EPB41L5: variants seen among roughly 807,000 people sequenced by gnomAD.
EPB41L5 encodes band 4.1-like protein 5.
In EPB41L5, 55 loss-of-function variants were observed where a neutral mutation model predicts 106.6. That is an observed-to-expected ratio of 0.52 (90% CI 0.42 to 0.65). The LOEUF (loss-of-function observed/expected upper bound fraction) is 0.65. Among genes scored for constraint, EPB41L5 ranks in the 30% least tolerant of loss-of-function variants. The pLI, the probability that EPB41L5 is intolerant of heterozygous loss-of-function variation, is 0.00. For synonymous variants in EPB41L5, 297 were observed against 306.7 expected, an observed-to-expected ratio of 0.97 and a Z score of 0.33; for missense variants, 871 against 882.1, an observed-to-expected ratio of 0.99 and a Z score of 0.16.
At chr2:120,076,612 T>C (rs539238365) in intron 7 of EPB41L5, among the ~76,000 whole-genome samples, 10 of 151,938 alleles carry the variant, frequency 6.6e-5, no homozygotes, top group Admixed American at 2.6e-4. Flanking sequence ...AGTAATATTC[T>C]TAATAGATGC....
At chr2:120,088,339 A>G (rs1380409927) in intron 11 of EPB41L5, among the ~76,000 whole-genome samples, 1 of 152,192 alleles carries the variant, frequency 6.6e-6, no homozygotes, top group African/African-American at 2.4e-5. Context: ...AAGAAGAGAA[A>G]ACCAAATACT....
intron 16 of EPB41L5, among the ~76,000 whole-genome samples, chr2:120,102,171 T>A (rs1055596569): frequency 2.6e-5 from 4 of 152,208 alleles, no homozygotes; most frequent in African/African-American, 9.6e-5. Context: ...TTAGTTGGGA[T>A]ACTATATTAC....
intron 3 of EPB41L5, among the ~76,000 whole-genome samples, chr2:120,047,000 G>A (rs1679825955): frequency 6.6e-6 from 1 of 151,946 alleles, no homozygotes; most frequent in Admixed American, 6.6e-5. Flanking sequence ...TGAGGGCTCT[G>A]TTCTGTTCCA....
chr2:120,119,486 C>T (rs1024789359), intron 16 of EPB41L5, among the ~76,000 whole-genome samples: 4 of 151,808 alleles, frequency 2.6e-5, no homozygotes, highest in African/African-American at 4.8e-5. Context: ...TTATAGTTTT[C>T]GGTTTTACAT....
chr2:120,053,994 C>T (rs1680459686), intron 3 of EPB41L5, among the ~76,000 whole-genome samples: 1 of 152,108 alleles, frequency 6.6e-6, no homozygotes, highest in South Asian at 2.1e-4. Flanking sequence ...CAAACTTTTC[C>T]AGTGATGGCA....
intron 24 of EPB41L5, among the ~76,000 whole-genome samples, chr2:120,168,766 A>C (rs1434363375): frequency 3.3e-5 from 5 of 152,236 alleles, no homozygotes. Flanking sequence ...TCAAAGTAGC[A>C]TATTACTCAG....
chr2:120,143,613 T>G (rs919530621), intron 19 of EPB41L5, among the ~76,000 whole-genome samples: 1 of 152,110 alleles, frequency 6.6e-6, no homozygotes, highest in Non-Finnish European at 1.5e-5. Flanking sequence ...AAACTTACAT[T>G]CTGTCCTAAA....
At chr2:120,114,229 T>C (rs1433467378) in intron 16 of EPB41L5, among the ~76,000 whole-genome samples, 1 of 152,200 alleles carries the variant, frequency 6.6e-6, no homozygotes, top group East Asian at 1.9e-4. Flanking sequence ...TTATTGACTT[T>C]TTGCTTATCT....
At chr2:120,146,628 G>T (rs1174600198) in intron 20 of EPB41L5, among the ~76,000 whole-genome samples, 2 of 152,160 alleles carry the variant, frequency 1.3e-5, no homozygotes, top group Admixed American at 6.5e-5. Flanking sequence ...CAATGGCCTT[G>T]TTCTTATCAA....
intron 11 of EPB41L5, among the ~76,000 whole-genome samples, chr2:120,088,842 T>C (rs534910672): frequency 6.0e-4 from 92 of 152,326 alleles, no homozygotes; most frequent in African/African-American, 1.9e-3. Flanking sequence ...TTAGTACTTA[T>C]CTGTGTAGTT....
intron 3 of EPB41L5, among the ~76,000 whole-genome samples, chr2:120,043,574 T>A (rs1271646198): frequency 2.0e-5 from 3 of 147,456 alleles, no homozygotes; most frequent in Admixed American, 6.7e-5. Flanking sequence ...GATTTTTATT[T>A]AAAAAAAAAA....
chr2:120,082,941 G>A (rs1177907765), intron 10 of EPB41L5, among the ~76,000 whole-genome samples: 3 of 151,960 alleles, frequency 2.0e-5, no homozygotes, highest in Admixed American at 6.6e-5. Context: ...CTGTGGGATC[G>A]GTGGTAATAT....
At chr2:120,058,308 C>T (rs1424581238) in intron 3 of EPB41L5, among the ~76,000 whole-genome samples, 1 of 152,084 alleles carries the variant, frequency 6.6e-6, no homozygotes, top group East Asian at 1.9e-4. Flanking sequence ...ACCTCAGCCT[C>T]CCAAGTAGGT....
intron 3 of EPB41L5, among the ~76,000 whole-genome samples, chr2:120,065,123 G>A (rs913552387): frequency 6.4e-4 from 97 of 152,084 alleles, no homozygotes; most frequent in Non-Finnish European, 1.2e-4. Flanking sequence ...GTTTATTTAT[G>A]TACTTACATT....
At chr2:120,141,574 T>C (rs1686176596) in intron 18 of EPB41L5, among the ~76,000 whole-genome samples, 1 of 152,124 alleles carries the variant, frequency 6.6e-6, no homozygotes, top group South Asian at 2.1e-4. Context: ...GTTGTCTTAA[T>C]TCAAAGGGTT....
intron 9 of EPB41L5, 21 bp downstream of exon 9, chr2:120,077,337 C>A (rs1329050315): frequency 1.0e-5 from 16 of 1,587,480 alleles, no homozygotes; most frequent in Non-Finnish European, 1.3e-5. Flanking sequence ...TGTTGTGATG[C>A]TTTTTTAAAA....
chr2:120,155,540 T>TG (rs1038710942), intron 20 of EPB41L5, among the ~76,000 whole-genome samples: 26 of 151,966 alleles, frequency 1.7e-4, no homozygotes, highest in African/African-American at 6.3e-4. Flanking sequence ...TTCATGTCTT[T>TG]TATCAAACCT....
rs780715304 is a variant in EPB41L5 at position 120,161,005 on chromosome 2, G to T, written c.1887+31G>T. ...AATACTTTTACTTCTTAAAATTTTT[G>T]CCAAAGACAGTTTTGAATTGAATCT... On this transcript the variant is annotated intron_variant, in intron 21 of 24. Coordinates refer to ENST00000263713, the MANE Select transcript of EPB41L5 (RefSeq NM_020909.4). 9 of 1,558,270 alleles carry T rather than the reference G, an allele frequency of 5.8e-6. No individual in the cohort carries two copies. In the Admixed American group the frequency reaches 1.2e-4, roughly 20 times the overall value.
chr2:120,027,047 A>C (rs758283524), intron 2 of EPB41L5, among the ~76,000 whole-genome samples: 12 of 152,232 alleles, frequency 7.9e-5, no homozygotes, highest in African/African-American at 2.7e-4. Flanking sequence ...AAATAAAGTC[A>C]GATAATATTA....
Sources: allele counts gnomAD v4.1 joint callset (sites outside exome capture counted in the v4.1 genomes callset), GRCh38; gene constraint gnomAD v4.1.1; transcripts MANE v1.5; gene names NCBI Gene and HGNC (gene_info 2026-07-23, HGNC 2026-07-21).